The following SLC4A4 variants were observed in gnomAD, a reference collection of about 807,000 sequenced individuals.
The protein encoded by SLC4A4 is solute carrier family 4 member 4, also known as electrogenic sodium bicarbonate cotransporter 1.
Under a neutral mutation model 111.5 loss-of-function variants are expected in SLC4A4, and 27 were observed. That is an observed-to-expected ratio of 0.24 (90% confidence interval 0.18 to 0.33). The LOEUF (loss-of-function observed/expected upper bound fraction) is 0.33, where lower values mean the gene tolerates loss of function less well. SLC4A4 is among the 10% of genes least tolerant of loss of function. The pLI, the probability that SLC4A4 is intolerant of heterozygous loss-of-function variation, is 1.00. For missense variants in SLC4A4, 909 were observed against 1,315.5 expected (o/e 0.69, Z 4.78); for synonymous variants, 443 against 463.4 (o/e 0.96, Z 0.57).
chr4:71,503,766 T>C (rs1037821369), intron 16 of SLC4A4, among the ~76,000 whole-genome samples: 1 of 152,176 alleles, frequency 6.6e-6, no homozygotes, highest in African/African-American at 2.4e-5. Flanking sequence ...AATTTACCTC[T>C]ACTGGTGAGT....
intron 6 of SLC4A4, among the ~76,000 whole-genome samples, chr4:71,359,587 C>T (rs1190763289): frequency 1.3e-5 from 2 of 152,114 alleles, no homozygotes; most frequent in Non-Finnish European, 2.9e-5. Context: ...GGTTTAATTA[C>T]TTAATATCTT....
chr4:71,080,424 A>G (rs1741960995), intron 1 of SLC4A4, among the ~76,000 whole-genome samples: 1 of 152,044 alleles, frequency 6.6e-6, no homozygotes, highest in Non-Finnish European at 1.5e-5. Context: ...GTGCTGGGTA[A>G]GTAAGAGTGC....
At chr4:71,257,884 G>T (rs2149064263) in intron 3 of SLC4A4, among the ~76,000 whole-genome samples, 1 of 152,292 alleles carries the variant, frequency 6.6e-6, no homozygotes. Flanking sequence ...ATCCTTCAAT[G>T]ATTTCTGTTG....
intron 7 of SLC4A4, among the ~76,000 whole-genome samples, chr4:71,412,647 G>T (rs1375087765): frequency 6.6e-6 from 1 of 152,200 alleles, no homozygotes; most frequent in East Asian, 1.9e-4. Flanking sequence ...TCTCCAGGAG[G>T]TCTCATTATA....
intron 12 of SLC4A4, among the ~76,000 whole-genome samples, chr4:71,454,347 G>GA (rs1322174333): frequency 6.6e-6 from 1 of 152,134 alleles, no homozygotes; most frequent in African/African-American, 2.4e-5. Flanking sequence ...CCACCAACCA[G>GA]AAAAATATGT....
At chr4:71,217,528 A>G (rs113181932) in intron 1 of SLC4A4, among the ~76,000 whole-genome samples, 3,241 of 152,296 alleles carry the variant, frequency 0.021, 119 homozygotes, top group African/African-American at 0.074. Context: ...GTGTCACTGC[A>G]CTCCAGCCTG....
At chr4:71,474,116 TCAAAA>T (rs1728130952) in intron 14 of SLC4A4, among the ~76,000 whole-genome samples, 1 of 42,406 alleles carries the variant, frequency 2.4e-5, no homozygotes, top group African/African-American at 5.5e-5. Flanking sequence ...CAAGACCCTG[TCAAAA>T]AAAAAAAAAA....
intron 16 of SLC4A4, among the ~76,000 whole-genome samples, chr4:71,512,063 G>T (rs1238353866): frequency 6.6e-6 from 1 of 152,064 alleles, no homozygotes; most frequent in Non-Finnish European, 1.5e-5. Context: ...ATTGTGAATG[G>T]TGCTGCGGTA....
intron 2 of SLC4A4, among the ~76,000 whole-genome samples, chr4:71,142,563 G>C (rs968927715): frequency 6.6e-6 from 1 of 152,114 alleles, no homozygotes; most frequent in African/African-American, 2.4e-5. Flanking sequence ...CCAGGCAGGA[G>C]AGTGATGTTA....
intron 6 of SLC4A4, among the ~76,000 whole-genome samples, chr4:71,380,234 A>C (rs149844443): frequency 2.0e-5 from 3 of 152,280 alleles, no homozygotes; most frequent in African/African-American, 7.2e-5. Flanking sequence ...TCCATGACTG[A>C]GATATCACAA....
intron 3 of SLC4A4, among the ~76,000 whole-genome samples, chr4:71,313,638 C>A (rs931454206): frequency 2.6e-5 from 4 of 152,118 alleles, no homozygotes; most frequent in African/African-American, 7.2e-5. Context: ...GCCATCTGAT[C>A]TTTGAGACTG....
At chr4:71,481,436 C>T (rs1728873014) in intron 14 of SLC4A4, among the ~76,000 whole-genome samples, 2 of 151,606 alleles carry the variant, frequency 1.3e-5, no homozygotes, top group African/African-American at 2.4e-5. Flanking sequence ...TTTAACAGTG[C>T]AACAGATACT....
chr4:71,463,642 G>A (rs2149095072), intron 12 of SLC4A4, among the ~76,000 whole-genome samples: 1 of 152,178 alleles, frequency 6.6e-6, no homozygotes, highest in South Asian at 2.1e-4. Flanking sequence ...AAATCAAAGT[G>A]GTTTTCTGGA....
chr4:71,327,711 A>G (rs1042731567), intron 3 of SLC4A4, among the ~76,000 whole-genome samples: 4 of 151,788 alleles, frequency 2.6e-5, no homozygotes, highest in African/African-American at 9.7e-5. Context: ...TGGGTATATA[A>G]TAGGTATATA....
At chr4:71,134,322 A>G (rs958258265) in intron 2 of SLC4A4, among the ~76,000 whole-genome samples, 5 of 152,182 alleles carry the variant, frequency 3.3e-5, no homozygotes, top group Admixed American at 2.6e-4. Flanking sequence ...CAGTTTTTGT[A>G]TCAGAAACTC....
chr4:71,180,325 G>T (rs112139257), intron 2 of SLC4A4, among the ~76,000 whole-genome samples: 1 of 152,240 alleles, frequency 6.6e-6, no homozygotes, highest in Non-Finnish European at 1.5e-5. Flanking sequence ...CAAAAGCAAT[G>T]GCAACAAAAG....
At chr4:71,131,770 G>A (rs994782231) in intron 2 of SLC4A4, among the ~76,000 whole-genome samples, 5 of 152,094 alleles carry the variant, frequency 3.3e-5, no homozygotes, top group Non-Finnish European at 5.9e-5. Flanking sequence ...TGAATAGCAG[G>A]GAGCAGAAAA....
intron 1 of SLC4A4, among the ~76,000 whole-genome samples, chr4:71,194,177 C>A (rs559832641): frequency 6.6e-6 from 1 of 152,054 alleles, no homozygotes; most frequent in Non-Finnish European, 1.5e-5. Context: ...AAAAAACATC[C>A]GTGTCTTTTT....
intron 3 of SLC4A4, among the ~76,000 whole-genome samples, chr4:71,267,791 C>CAAAAAA (rs71212002): frequency 9.9e-4 from 62 of 62,328 alleles, no homozygotes; most frequent in African/African-American, 4.6e-3. Context: ...GAGAGTCTGC[C>CAAAAAA]AAAAAAAAAA....
Sources: gnomAD v4.1 joint callset for allele counts (sites outside exome capture counted in the v4.1 genomes callset) on GRCh38, gnomAD v4.1.1 for gene constraint, MANE v1.5 for transcripts, NCBI Gene and HGNC (gene_info 2026-07-23, HGNC 2026-07-21) for gene names.